WWC2: variants seen among roughly 807,000 people sequenced by gnomAD.
WWC2 encodes protein WWC2.
WWC2 carries 101 observed loss-of-function variants against 138.5 expected under a neutral mutation model. That is an observed-to-expected ratio of 0.73 (90% CI 0.62 to 0.86). The LOEUF (loss-of-function observed/expected upper bound fraction) is 0.86, where lower values mean the gene tolerates loss of function less well. Ranked by LOEUF, WWC2 falls within the 40% of genes least tolerant of loss-of-function variation. The probability of loss-of-function intolerance (pLI) is 0.00; values close to 1 mark genes in which losing one functional copy is unlikely to be tolerated. For synonymous variants in WWC2, 558 were observed against 538.4 expected, an observed-to-expected ratio of 1.04 and a Z score of -0.50; for missense variants, 1,420 against 1,419.4, an observed-to-expected ratio of 1.00 and a Z score of -0.01.
chr4:183,146,445 T>A lies in WWC2; in HGVS notation c.131+46823T>A, dbSNP rs79456630. On this transcript the variant is annotated intron_variant, in intron 1 of 22. Transcript: ENST00000403733. ...ATGGTAAACAGAACAGCTAGTTTTT[T>A]AAAAACATTTCTTATTTGACTTGTT... Among the ~76,000 whole-genome samples, 119 of 152,364 alleles carry A rather than the reference T, an allele frequency of 7.8e-4. No individual in the cohort carries two copies. The South Asian group carries it at 0.014, about 19-fold the overall frequency.
At chr4:183,297,555 G>A (rs1217225352) in intron 21 of WWC2, among the ~76,000 whole-genome samples, 11 of 151,854 alleles carry the variant, frequency 7.2e-5, no homozygotes, top group East Asian at 1.9e-4. Context: ...GACTACAGGC[G>A]CGCACCACCA....
Position 183,190,607 on chromosome 4 carries a change from A to T in WWC2, c.132-2992A>T, listed in dbSNP as rs1026481846. ...AAAGTATATATATTTATCCATATAT[A>T]GAAAATAAAGTATTAAATTTATATT... On this transcript the variant is annotated intron_variant, in intron 1 of 22. Coordinates refer to ENST00000403733, the MANE Select transcript of WWC2 (RefSeq NM_024949.6). Among the ~76,000 whole-genome samples, 30 of 152,118 alleles carry T rather than the reference A, an allele frequency of 2.0e-4. 1 individual carries two copies. Among genetic ancestry groups the T allele is most frequent in the Admixed American group, 8.5e-4 (13 of 15,286 alleles).
At chr4:183,133,125 T>C (rs1242995633) in intron 1 of WWC2, among the ~76,000 whole-genome samples, 1 of 149,128 alleles carries the variant, frequency 6.7e-6, no homozygotes, top group African/African-American at 2.5e-5. Context: ...TCCTTCCCTT[T>C]TTTTCTTTTC....
chr4:183,203,442 G>C (rs1210780095), intron 2 of WWC2: 2 of 152,056 alleles, frequency 1.3e-5, no homozygotes, highest in South Asian at 2.1e-4. Flanking sequence ...CTAGTAATAA[G>C]TGCTGAGGTT....
intron 1 of WWC2, among the ~76,000 whole-genome samples, chr4:183,171,907 A>C (rs1358816888): frequency 6.6e-6 from 1 of 151,670 alleles, no homozygotes; most frequent in Non-Finnish European, 1.5e-5. Flanking sequence ...CCCTCCCCTC[A>C]TCCTCTTGGT....
chr4:183,291,981 T>C (rs191709473), intron 21 of WWC2, among the ~76,000 whole-genome samples: 1 of 149,340 alleles, frequency 6.7e-6, no homozygotes, highest in African/African-American at 2.5e-5. Context: ...ACCCCAGGAG[T>C]TGGAGACCAG....
chr4:183,293,109 C>T (rs932091905), intron 21 of WWC2, among the ~76,000 whole-genome samples: 7 of 152,144 alleles, frequency 4.6e-5, no homozygotes, highest in Non-Finnish European at 2.9e-5. Context: ...TGCACACCGC[C>T]ACACTCAGCT....
At chr4:183,279,735 T>C (rs1738002904) in intron 16 of WWC2, among the ~76,000 whole-genome samples, 2 of 152,142 alleles carry the variant, frequency 1.3e-5, no homozygotes, top group Non-Finnish European at 2.9e-5. Context: ...ATTTATCCAT[T>C]TCTTCTAGAT....
chr4:183,178,582 A>T (rs1271510311), intron 1 of WWC2, among the ~76,000 whole-genome samples: 3 of 131,228 alleles, frequency 2.3e-5, no homozygotes, highest in South Asian at 4.7e-4. Flanking sequence ...CAGTCTCTTT[A>T]AAAAAAAAAA....
chr4:183,240,394 C>A, intron 5 of WWC2, 132 bp downstream of exon 5: 5 of 606,564 alleles, frequency 8.2e-6, no homozygotes, highest in South Asian at 7.8e-5. Flanking sequence ...GAGCTCTACA[C>A]CAAAAGAAAA....
intron 1 of WWC2, among the ~76,000 whole-genome samples, chr4:183,103,061 A>T (rs181880214): frequency 1.3e-5 from 2 of 151,994 alleles, no homozygotes; most frequent in African/African-American, 2.4e-5. Context: ...AGATACAATG[A>T]CTTTGTCTAG....
At chr4:183,262,795 T>A (rs990084725) in intron 11 of WWC2, among the ~76,000 whole-genome samples, 1 of 152,094 alleles carries the variant, frequency 6.6e-6, no homozygotes, top group African/African-American at 2.4e-5. Flanking sequence ...TGCGTGCGTG[T>A]GTGTGTGTGT....
intron 5 of WWC2, among the ~76,000 whole-genome samples, chr4:183,241,416 G>A (rs1017475698): frequency 8.5e-5 from 13 of 152,266 alleles, no homozygotes; most frequent in Admixed American, 6.5e-5. Context: ...CTTGGGATAC[G>A]CAGGCACTGC....
At chr4:183,194,294 C>T (rs1042626798) in intron 2 of WWC2, among the ~76,000 whole-genome samples, 1 of 152,192 alleles carries the variant, frequency 6.6e-6, no homozygotes, top group African/African-American at 2.4e-5. Context: ...CAGAGGATTA[C>T]TGTGGCCGTG....
chr4:183,311,914 A>G (rs1739260436), intron 21 of WWC2, among the ~76,000 whole-genome samples: 1 of 152,192 alleles, frequency 6.6e-6, no homozygotes, highest in Non-Finnish European at 1.5e-5. Flanking sequence ...TACGTTAAAT[A>G]AACAGCTTTT....
At chr4:183,254,735 G>A (rs902198287) in intron 9 of WWC2, among the ~76,000 whole-genome samples, 1 of 152,178 alleles carries the variant, frequency 6.6e-6, no homozygotes, top group Non-Finnish European at 1.5e-5. Flanking sequence ...CGTTGAGAAC[G>A]ACCGCATGTA....
chr4:183,278,521 A>T (rs1318404127), intron 16 of WWC2, among the ~76,000 whole-genome samples: 1 of 152,058 alleles, frequency 6.6e-6, no homozygotes, highest in African/African-American at 2.4e-5. Context: ...GAAGAAAGGC[A>T]TTGGTAGCTT....
In WWC2 at chr4:183,247,639, C is replaced by CTATATATAG. The variant is rs1248339694; in HGVS notation, c.733-1067_733-1066insGTATATATA. Among the ~76,000 whole-genome samples the CTATATATAG allele has an allele frequency of 2.4e-3, 323 of 134,192 alleles. 6 individuals are homozygous for CTATATATAG. The highest frequency in any genetic ancestry group is 8.5e-3 in the African/African-American group (304 of 35,594). The allele number at this position is 134,192 out of a possible 152,430, so 88.0% of individuals were successfully genotyped here. The stretch of plus-strand genomic sequence containing the variant: ...CTATATATACTATATACTATATATA[C>CTATATATAG]TATATATACTATATACTATATATAC... On this transcript the variant is annotated intron_variant, in intron 6 of 22. Transcript: ENST00000403733.
At chr4:183,126,427 T>C (rs937091911) in intron 1 of WWC2, among the ~76,000 whole-genome samples, 3 of 152,198 alleles carry the variant, frequency 2.0e-5, no homozygotes, top group Non-Finnish European at 2.9e-5. Context: ...GCAGGCATCA[T>C]GGGGCTTCTC....
Sources: gnomAD v4.1 joint callset for allele counts (sites outside exome capture counted in the v4.1 genomes callset) on GRCh38, gnomAD v4.1.1 for gene constraint, MANE v1.5 for transcripts, NCBI Gene and HGNC (gene_info 2026-07-23, HGNC 2026-07-21) for gene names.